ABR: variants seen among roughly 807,000 people sequenced by gnomAD.
ABR encodes active breakpoint cluster region-related protein.
In ABR, 35 loss-of-function variants were observed where a neutral mutation model predicts 107.2. The ratio of observed to expected loss-of-function variants is 0.33; its 90% CI spans 0.25 to 0.43. The LOEUF (loss-of-function observed/expected upper bound fraction) is 0.43, where lower values mean the gene tolerates loss of function less well. ABR is among the 20% of genes least tolerant of loss of function. The pLI is 1.00. For missense variants in ABR, 815 were observed against 1,115.2 expected (o/e 0.73, Z 3.83); for synonymous variants, 498 against 462.0 (o/e 1.08, Z -1.00).
At chr17:1,031,889 T>TCCCTCCCCGCGCTCCCCTCCCTCCCA in intron 16 of ABR, 1 of 995,624 alleles carries the variant, frequency 1.0e-6, no homozygotes, top group Non-Finnish European at 1.2e-6. Context: ...CCTCCCTCCC[T>TCCCTCCCCGCGCTCCCCTCCCTCCCA]CCCTCCGTCC....
chr17:1,102,729 A>G (rs765721062), intron 2 of ABR, among the ~76,000 whole-genome samples: 24 of 152,128 alleles, frequency 1.6e-4, no homozygotes, highest in Non-Finnish European at 2.4e-4. Context: ...TTACTTATTG[A>G]GACAAAGTCT....
chr17:1,094,848 TGGGGGCGTAGAGA>T (rs2037296143), intron 3 of ABR, among the ~76,000 whole-genome samples: 1 of 142,200 alleles, frequency 7.0e-6, no homozygotes, highest in Non-Finnish European at 1.6e-5. Flanking sequence ...GGTGGAGGAG[TGGGGGCGTAGAGA>T]GGCATGCCAG....
At chr17:1,094,370 A>ATTTT (rs541367607) in intron 3 of ABR, among the ~76,000 whole-genome samples, 3 of 139,924 alleles carry the variant, frequency 2.1e-5, no homozygotes, top group Non-Finnish European at 3.1e-5. Context: ...CCAGACTGCA[A>ATTTT]TTTTTTTTTT....
In ABR at chr17:1,010,310, G is replaced by A. The variant is rs2070420896; in HGVS notation, c.2236+419C>T. 1 of 234,044 alleles carries A rather than the reference G, an allele frequency of 4.3e-6. No individual in the cohort carries two copies. Among genetic ancestry groups the A allele is most frequent in the Non-Finnish European group, 8.5e-6 (1 of 117,760 alleles). The allele number at this position is 234,044 out of a possible 1,614,324, so 14.5% of individuals were successfully genotyped here. A position where few individuals can be genotyped will look rare whatever the true frequency, so the allele number is the denominator to read the frequency against. ...CCTGCTGGCCGGGGCCCTCCGCAGA[G>A]GTGACGGGACGGTGTGTGGTCCCGC... On this transcript the variant is annotated intron_variant, in intron 20 of 22. Coordinates refer to ENST00000302538, the MANE Select transcript of ABR (RefSeq NM_021962.5). This position sits in a 1 kb window ranked among gnomAD's most constrained non-coding sequence, Gnocchi z 4.1.
intron 1 of ABR, among the ~76,000 whole-genome samples, chr17:1,170,263 T>A (rs776350476): frequency 1.3e-5 from 2 of 151,850 alleles, no homozygotes; most frequent in Admixed American, 6.6e-5. Context: ...GCTAGAGAAA[T>A]GAACCCAGAT....
In ABR at chr17:1,050,654, G is replaced by C. The variant is rs144743584; in HGVS notation, c.1562-20C>G. 33 of 1,603,616 alleles carry C rather than the reference G, an allele frequency of 2.1e-5. No homozygotes were observed. The highest frequency in any genetic ancestry group is 1.7e-4 in the Middle Eastern group (1 of 6,048). On this transcript the variant is annotated intron_variant, in intron 14 of 22. Coordinates refer to ENST00000302538, the MANE Select transcript of ABR (RefSeq NM_021962.5). This position sits in a 1 kb window ranked among gnomAD's most constrained non-coding sequence, Gnocchi z 4.6. ...ACAGGTCTGTGGGGGAAGGACAGAC[G>C]GAGATACTGAGTGAGTGGGGCCAGG...
chr17:1,195,030 A>G (rs62087723), intron 1 of ABR, among the ~76,000 whole-genome samples: 44,586 of 144,916 alleles, frequency 0.31, 7,589 homozygotes, highest in East Asian at 0.6. Context: ...GCCTCAGGCC[A>G]GGCGCGGTGG....
intron 6 of ABR, 47 bp downstream of exon 6, chr17:1,079,283 G>A (rs1159596413): frequency 1.3e-6 from 2 of 1,597,036 alleles, no homozygotes. Context: ...TGCCTGCACA[G>A]CCAGACAAAG....
rs912296049 is a variant in ABR at position 1,084,272 on chromosome 17, G to A, written c.532-645C>T. ...CGTGCCTGTAATCCCAGGTACTCAGGAGAATGAGGCAGGAGAATCGCTTGA... is the reference window on the plus strand; with the variant it reads ...CGTGCCTGTAATCCCAGGTACTCAGAAGAATGAGGCAGGAGAATCGCTTGA... On this transcript the variant is annotated intron_variant, in intron 4 of 22. Transcript: ENST00000302538. The surrounding 1 kb of genome is among the most constrained non-coding windows in gnomAD (Gnocchi z 4.2). Among the ~76,000 whole-genome samples the A allele has an allele frequency of 6.6e-6, 1 of 152,252 alleles. No individual in the cohort carries two copies. Among genetic ancestry groups the A allele is most frequent in the African/African-American group, 2.4e-5 (1 of 41,472 alleles).
intron 1 of ABR, among the ~76,000 whole-genome samples, chr17:1,163,453 C>T (rs143608604): frequency 0.02 from 3,084 of 151,998 alleles, 63 homozygotes; most frequent in African/African-American, 0.042. Flanking sequence ...GGGACCCTGG[C>T]GAAGTGTCAC....
intron 2 of ABR, among the ~76,000 whole-genome samples, chr17:1,109,698 G>A (rs1370670221): frequency 6.6e-6 from 1 of 151,672 alleles, no homozygotes; most frequent in Non-Finnish European, 1.5e-5. Flanking sequence ...GCCCCGGCCC[G>A]CCCAGAAGCC....
intron 1 of ABR, among the ~76,000 whole-genome samples, chr17:1,211,400 G>A (rs1044668781): frequency 4.6e-5 from 7 of 152,268 alleles, no homozygotes; most frequent in Admixed American, 1.3e-4. Flanking sequence ...ACCAAAAATC[G>A]ATCTTCTTCT....
At chr17:1,049,507 CCA>C (rs1375762667) in intron 16 of ABR, among the ~76,000 whole-genome samples, 1 of 152,136 alleles carries the variant, frequency 6.6e-6, no homozygotes, top group African/African-American at 2.4e-5. Flanking sequence ...CTACTAACAC[CCA>C]GAGTCCCCAC....
At chr17:1,073,596 C>G in intron 7 of ABR, 29 bp downstream of exon 7, 5 of 1,539,960 alleles carry the variant, frequency 3.2e-6, no homozygotes, top group Non-Finnish European at 4.4e-6. Context: ...CCTAAGCCCT[C>G]TCTGGCCATT....
At chr17:1,142,772 C>A (rs1391952668) in intron 1 of ABR, among the ~76,000 whole-genome samples, 1 of 152,104 alleles carries the variant, frequency 6.6e-6, no homozygotes, top group East Asian at 1.9e-4. Context: ...TTGTGAACCA[C>A]AGACAGGCAG....
In ABR at chr17:1,137,278, G is replaced by A. The variant is rs1175366219; in HGVS notation, c.62-11911C>T. 8.5e-5 allele frequency among the ~76,000 whole-genome samples: 13 copies of A among 152,142 alleles called. No individual in the cohort carries two copies. In the East Asian group the frequency reaches 2.3e-3, roughly 27 times the overall value. On this transcript the variant is annotated intron_variant, in intron 1 of 22. Transcript: ENST00000302538. Reference sequence around the variant, plus strand: ...AGGCTGGTCTTGAACTCCTGACCTCGTGATCTGCCCGCCTCGGCCTCCCAA... The same window carrying A: ...AGGCTGGTCTTGAACTCCTGACCTCATGATCTGCCCGCCTCGGCCTCCCAA...
intron 2 of ABR, among the ~76,000 whole-genome samples, chr17:1,101,934 C>T (rs762372532): frequency 3.4e-4 from 52 of 152,150 alleles, no homozygotes; most frequent in East Asian, 5.8e-4. Flanking sequence ...GGGATTTCAC[C>T]GTGTTAGCCA....
intron 10 of ABR, among the ~76,000 whole-genome samples, chr17:1,063,825 G>C (rs1448176062): frequency 9.5e-5 from 14 of 148,008 alleles, no homozygotes; most frequent in Non-Finnish European, 1.8e-4. Context: ...GTTGTTACGT[G>C]AACTGAGGGC....
At chr17:1,228,248 G>C (rs2043259282) in intron 1 of ABR, 1 of 152,254 alleles carries the variant, frequency 6.6e-6, no homozygotes, top group South Asian at 2.1e-4. Flanking sequence ...GGCTGGTGAG[G>C]GCCGTGGCCC....
Sources: gnomAD v4.1 joint callset for allele counts (sites outside exome capture counted in the v4.1 genomes callset) on GRCh38, gnomAD v4.1.1 for gene constraint, Gnocchi (gnomAD v3.1) non-coding constraint, MANE v1.5 for transcripts, NCBI Gene and HGNC (gene_info 2026-07-23, HGNC 2026-07-21) for gene names.